The following INTS6 variants were observed in gnomAD, a reference collection of about 807,000 sequenced individuals.
INTS6 encodes the protein DEAD box protein.
A neutral mutation model predicts 104.9 loss-of-function variants in INTS6; 16 were observed. That is an observed-to-expected ratio of 0.15 (90% CI 0.10 to 0.23). The LOEUF is 0.23. Ranked by LOEUF, INTS6 falls within the 10% of genes least tolerant of loss-of-function variation. The pLI is 1.00. For synonymous variants in INTS6, 324 were observed against 358.7 expected (o/e 0.90, Z 1.09); for missense variants, 584 against 1,062.8 (o/e 0.55, Z 6.26).
chr13:51,422,994 T>G, intron 4 of INTS6: 1 of 1,108,396 alleles, frequency 9.0e-7, no homozygotes. Context: ...TGCCATGAGA[T>G]TTATCTTAAT....
intron 4 of INTS6, among the ~76,000 whole-genome samples, chr13:51,406,460 TC>T (rs1277570367): frequency 2.0e-5 from 3 of 151,922 alleles, no homozygotes; most frequent in African/African-American, 7.3e-5. Context: ...TTACGTCACC[TC>T]CTCCCTGTTT....
At chr13:51,348,265 C>T in the INTS6 span, 3 of 1,608,942 alleles carry the variant, frequency 1.9e-6, 1 homozygote, top group Non-Finnish European at 2.5e-6. Context: ...AGCTTCCTTA[C>T]CTGGGAAGTG....
rs149921495 is a variant in INTS6 at position 51,402,015 on chromosome 13, A to G, written c.430-6532T>C. Among the ~76,000 whole-genome samples, 1,341 of 152,300 alleles carry G rather than the reference A, an allele frequency of 8.8e-3. 20 individuals are homozygous for G. The highest frequency in any genetic ancestry group is 0.03 in the African/African-American group (1,240 of 41,562). ...TAGTGATTTTAAGTCCTTAATTAAT[A>G]CATCTTATAAACACTGTAGGTTATT... On this transcript the variant is annotated intron_variant, in intron 4 of 17. Transcript: ENST00000311234.
At chr13:51,354,203 G>A (rs1453927812) in exon 4 of INTS6, 2 of 151,984 alleles carry the variant, frequency 1.3e-5, no homozygotes, top group Non-Finnish European at 2.9e-5. Flanking sequence ...CACGAGATGG[G>A]AGGTAGCAAA....
At chr13:51,352,781 T>C (rs1022449740), downstream of INTS6, among the ~76,000 whole-genome samples, 2 of 152,110 alleles carry the variant, frequency 1.3e-5, no homozygotes, top group African/African-American at 4.8e-5. Flanking sequence ...GTTTGTTGTA[T>C]GTTTGATGTT....
chr13:51,370,429 C>T (rs1164445583), intron 15 of INTS6, among the ~76,000 whole-genome samples: 1 of 152,218 alleles, frequency 6.6e-6, no homozygotes. Context: ...CTGTAAGCCA[C>T]TGTTGTCTCT....
At chr13:51,415,093 T>C (rs1441991095) in intron 4 of INTS6, among the ~76,000 whole-genome samples, 4 of 151,450 alleles carry the variant, frequency 2.6e-5, no homozygotes, top group South Asian at 2.1e-4. Flanking sequence ...CATTCTGTTA[T>C]AGCAACTTAA....
At chr13:51,411,513 G>A (rs7400061) in intron 4 of INTS6, among the ~76,000 whole-genome samples, 3,651 of 150,448 alleles carry the variant, frequency 0.024, 59 homozygotes, top group South Asian at 0.06. Context: ...AGATCGTGCC[G>A]TTGCACTCCA....
chr13:51,363,560 G>T lies in INTS6; in HGVS notation c.*2192C>A, dbSNP rs753294143. ...AAACTTTCCAAGAATATCATTTGTC[G>T]AGCCTTAAGTCATTCAGTGACATAA... On this transcript the variant is annotated 3_prime_UTR_variant, in exon 18 of 18. Transcript: ENST00000311234. The T allele has an allele frequency of 1.3e-5, 2 of 151,638 alleles. No homozygotes were observed. Among genetic ancestry groups the T allele is most frequent in the Non-Finnish European group, 2.9e-5 (2 of 67,886 alleles). The allele number at this position is 151,638 out of a possible 1,614,324, so 9.4% of individuals were successfully genotyped here.
At chr13:51,422,858 T>C (rs1956920301) in intron 4 of INTS6, 2 of 306,256 alleles carry the variant, frequency 6.5e-6, no homozygotes, top group East Asian at 9.8e-5. Context: ...CCTGATACAC[T>C]GTTTTCAAGT....
intron 4 of INTS6, among the ~76,000 whole-genome samples, chr13:51,398,500 T>C (rs560420022): frequency 3.9e-5 from 6 of 152,226 alleles, no homozygotes; most frequent in Admixed American, 3.3e-4. Flanking sequence ...ATTAAAATAT[T>C]GATATCATTT....
intron 7 of INTS6, chr13:51,385,284 A>G (rs1430864432): frequency 1.3e-5 from 2 of 152,904 alleles, no homozygotes; most frequent in African/African-American, 2.4e-5. Flanking sequence ...CCACCCCTCC[A>G]TTACAGTTGG....
chr13:51,354,078 A>C (rs11542715), exon 4 of INTS6: 4 of 152,210 alleles, frequency 2.6e-5, no homozygotes, highest in Non-Finnish European at 5.9e-5. Context: ...CACAGCAAAT[A>C]TGAAAATATA....
intron 3 of INTS6, chr13:51,438,611 A>G (rs1330842304): frequency 2.0e-5 from 3 of 152,236 alleles, no homozygotes; most frequent in Admixed American, 6.5e-5. Context: ...TAAAAATAAA[A>G]TTTAAAATAA....
chr13:51,374,672 G>C lies in INTS6; in HGVS notation c.1854C>G (p.Pro618=). 1 of 1,613,166 alleles carries C rather than the reference G, an allele frequency of 6.2e-7. No individual in the cohort carries two copies. The highest frequency in any genetic ancestry group is 1.1e-5 in the South Asian group (1 of 91,038). Residue 618 remains proline (P), a synonymous_variant, in exon 14 of 18, where the codon CCC becomes CCG. Coordinates refer to ENST00000311234, the MANE Select transcript of INTS6 (RefSeq NM_012141.3). ...AAATTACCTTCTTATCCAGCTTAAA[G>C]GGGTTGCCAAATGTATGCAACCTTC... ...QPRRLHTFGN[P]FKLDKKGMMI...
At position 51,361,995 on chromosome 13, in the gene INTS6, T is replaced by C. The variant is rs768029993; in HGVS notation, c.*3757A>G. ...TCCCCTCAAAAATAAGCATTCTTTCTAGCTGTTTTTATGGTGCTTCAGAAG... is the reference window on the plus strand; with the variant it reads ...TCCCCTCAAAAATAAGCATTCTTTCCAGCTGTTTTTATGGTGCTTCAGAAG... On this transcript the variant is annotated 3_prime_UTR_variant, in exon 18 of 18. Transcript: ENST00000311234. 6.2e-7 allele frequency: 1 copy of C among 1,610,358 alleles called. No homozygotes were observed. Among genetic ancestry groups the C allele is most frequent in the Non-Finnish European group, 8.5e-7 (1 of 1,177,976 alleles).
intron 3 of INTS6, chr13:51,448,651 G>A (rs994252722): frequency 7.2e-5 from 11 of 152,114 alleles, no homozygotes; most frequent in Admixed American, 5.9e-4. Context: ...TGGGAGAATG[G>A]TGGATATCTA....
chr13:51,399,568 C>T (rs1956398768), intron 4 of INTS6, among the ~76,000 whole-genome samples: 2 of 152,116 alleles, frequency 1.3e-5, no homozygotes, highest in Non-Finnish European at 2.9e-5. Flanking sequence ...AATATGTTTA[C>T]TTTCATCAGA....
chr13:51,355,831 T>C (rs1955472850), intron 3 of INTS6, among the ~76,000 whole-genome samples: 1 of 152,188 alleles, frequency 6.6e-6, no homozygotes, highest in Non-Finnish European at 1.5e-5. Context: ...TATTGCCAAC[T>C]CAAAGGCTCA....
Sources: allele counts gnomAD v4.1 joint callset (sites outside exome capture counted in the v4.1 genomes callset), GRCh38; gene constraint gnomAD v4.1.1; transcripts MANE v1.5; gene names NCBI Gene and HGNC (gene_info 2026-07-23, HGNC 2026-07-21).